The following SERPINB9 variants were observed in gnomAD, a reference collection of about 807,000 sequenced individuals.
SERPINB9 encodes serpin family B member 9.
Under a neutral mutation model 27.2 loss-of-function variants are expected in SERPINB9, and 20 were observed. That is an observed-to-expected ratio of 0.74 (90% CI 0.52 to 1.07). SERPINB9 has a LOEUF of 1.07. SERPINB9 is among the 50% of genes least tolerant of loss of function. SERPINB9 has a pLI of 0.00. For missense variants in SERPINB9, 476 were observed against 460.1 expected (o/e 1.03, Z -0.32); for synonymous variants, 189 against 180.0 (o/e 1.05, Z -0.40).
At chr6:2,900,333 G>A (rs1229922839) in intron 2 of SERPINB9, 111 bp downstream of exon 2, 3 of 1,354,030 alleles carry the variant, frequency 2.2e-6, no homozygotes, top group Middle Eastern at 2.7e-4. Context: ...GTGCACACTC[G>A]GGCCCCAGTC....
At position 2,896,196 on chromosome 6, in the gene SERPINB9, G is replaced by T. The variant is rs766380391; in HGVS notation, c.169-6C>A. 6.2e-7 allele frequency: 1 copy of T among 1,611,784 alleles called. No individual in the cohort carries two copies. Among genetic ancestry groups the T allele is most frequent in the Admixed American group, 1.7e-5 (1 of 59,300 alleles). On this transcript the variant is annotated splice_region_variant and splice_polypyrimidine_tract_variant and intron_variant, in intron 2 of 6. Coordinates refer to ENST00000380698, the MANE Select transcript of SERPINB9 (RefSeq NM_004155.6). ...TCTGTGTTTAAAGACAGTGCCTGTT[G>T]TGAAAGATAATTTTAAAAGTTATCA...
In SERPINB9 at chr6:2,896,168, TC is replaced by T; in HGVS notation, c.190del (p.Glu64LysfsTer14). ...CGACTGGAAAGCCCGATGAATGTCT[TC>T]CTCTGTGTTTAAAGACAGTGCCTGT... ...MAQALSLNTE[E>X]DIHRAFQSLL... On this transcript the variant is annotated frameshift_variant, in exon 3 of 7. Coordinates refer to ENST00000380698, the MANE Select transcript of SERPINB9 (RefSeq NM_004155.6). LOFTEE classifies it high-confidence loss of function. 6.2e-7 allele frequency: 1 copy of T among 1,613,978 alleles called. No individual in the cohort carries two copies. The highest frequency in any genetic ancestry group is 2.2e-5 in the East Asian group (1 of 44,882).
Position 2,895,911 on chromosome 6 carries a change from A to AC in SERPINB9, c.306+141dup, listed in dbSNP as rs1767979420. The AC allele has an allele frequency of 1.5e-5, 12 of 825,208 alleles. No homozygotes were observed. In the South Asian group the frequency reaches 1.8e-4, roughly 13 times the overall value. 51.1% of individuals were successfully genotyped at this position (825,208 alleles called of 1,614,324 possible). A position where few individuals can be genotyped will look rare whatever the true frequency, so the allele number is the denominator to read the frequency against. ...AGACCAGCCTGGGCAACGTAGTGAG[A>AC]CCCCATCTTAGAAAAAAAAATAGTG... is the stretch of plus-strand genomic sequence containing the variant. On this transcript the variant is annotated intron_variant, in intron 3 of 6. Coordinates refer to ENST00000380698, the MANE Select transcript of SERPINB9 (RefSeq NM_004155.6).
At chr6:2,902,490 T>C (rs2113620956) in intron 1 of SERPINB9, among the ~76,000 whole-genome samples, 1 of 152,228 alleles carries the variant, frequency 6.6e-6, no homozygotes, top group Admixed American at 6.5e-5. Flanking sequence ...CTTTATTTTT[T>C]TGTTGTTGTT....
intron 3 of SERPINB9, 143 bp downstream of exon 3, chr6:2,895,910 G>T: frequency 1.2e-6 from 1 of 819,354 alleles, no homozygotes; most frequent in Non-Finnish European, 1.8e-6. Context: ...AACGTAGTGA[G>T]ACCCCATCTT....
intron 2 of SERPINB9, 116 bp from the exon 3 acceptor site, chr6:2,896,306 A>C: frequency 2.4e-6 from 2 of 835,410 alleles, no homozygotes; most frequent in Non-Finnish European, 3.8e-6. Context: ...GCCTGAATGG[A>C]TCTCGCTTGT....
Position 2,895,518 on chromosome 6 carries a change from G to C in SERPINB9, c.307-10C>G, listed in dbSNP as rs1245784589. ...AGGATTCCTTAAACGTCTTTGGAGA[G>C]AAAAATGTTCAGTGAGGCTGCATTG... On this transcript the variant is annotated splice_polypyrimidine_tract_variant and intron_variant, in intron 3 of 6. Transcript: ENST00000380698. The C allele has an allele frequency of 6.3e-7, 1 of 1,583,794 alleles. No individual in the cohort carries two copies. The highest frequency in any genetic ancestry group is 8.7e-7 in the Non-Finnish European group (1 of 1,155,858).
At chr6:2,895,981 G>T in intron 3 of SERPINB9, 72 bp downstream of exon 3, 3 of 1,442,312 alleles carry the variant, frequency 2.1e-6, no homozygotes, top group South Asian at 2.8e-5. Context: ...ATTTCTCTAG[G>T]GTCTTTCTCC....
intron 2 of SERPINB9, 115 bp from the exon 3 acceptor site, chr6:2,896,305 G>T: frequency 1.2e-6 from 1 of 842,242 alleles, no homozygotes; most frequent in Non-Finnish European, 1.9e-6. Context: ...TGCCTGAATG[G>T]ATCTCGCTTG....
chr6:2,889,608 T>C lies in SERPINB9; in HGVS notation c.*555A>G, dbSNP rs1247605852. On this transcript the variant is annotated 3_prime_UTR_variant, in exon 7 of 7. Transcript: ENST00000380698. ...TACTCGGGAGGCTGAGGCAGGAGAA[T>C]GGCGTGAACCCGGGAGGCGGAGCTT... The C allele has an allele frequency of 1.4e-5, 2 of 145,064 alleles. No individual in the cohort carries two copies. Among genetic ancestry groups the C allele is most frequent in the African/African-American group, 2.6e-5 (1 of 38,528 alleles). The allele number at this position is 145,064 out of a possible 1,614,324, so 9.0% of individuals were successfully genotyped here. A position where few individuals can be genotyped will look rare whatever the true frequency, so the allele number is the denominator to read the frequency against.
chr6:2,899,957 A>C (rs746681846), intron 2 of SERPINB9: 21 of 456,172 alleles, frequency 4.6e-5, no homozygotes, highest in African/African-American at 3.8e-4. Flanking sequence ...CAGTACCTGC[A>C]CAGTGTGCAG....
intron 4 of SERPINB9, 116 bp from the exon 5 acceptor site, chr6:2,893,669 G>C: frequency 2.3e-6 from 2 of 868,414 alleles, no homozygotes; most frequent in South Asian, 3.7e-5. Context: ...GCTGAGTTTG[G>C]GTTGTTATGT....
chr6:2,902,831 G>C (rs1768248054), intron 1 of SERPINB9, among the ~76,000 whole-genome samples: 1 of 152,194 alleles, frequency 6.6e-6, no homozygotes, highest in African/African-American at 2.4e-5. Context: ...ACTGGTGACT[G>C]TAAAGGACAG....
chr6:2,896,605 A>C (rs1768008160), intron 2 of SERPINB9, among the ~76,000 whole-genome samples: 1 of 152,252 alleles, frequency 6.6e-6, no homozygotes, highest in Non-Finnish European at 1.5e-5. Flanking sequence ...ATTGTACCCT[A>C]TAGGGACTAC....
intron 1 of SERPINB9, among the ~76,000 whole-genome samples, chr6:2,902,666 G>A (rs1768244128): frequency 6.6e-6 from 1 of 151,950 alleles, no homozygotes; most frequent in Non-Finnish European, 1.5e-5. Context: ...TACAGGCGTG[G>A]GCCACCATGC....
At chr6:2,899,685 TC>T (rs1768127934) in intron 2 of SERPINB9, among the ~76,000 whole-genome samples, 1 of 152,162 alleles carries the variant, frequency 6.6e-6, no homozygotes, top group Non-Finnish European at 1.5e-5. Flanking sequence ...ACATAAACCC[TC>T]CCTTCTTCAC....
intron 4 of SERPINB9, among the ~76,000 whole-genome samples, 159 bp downstream of exon 4, chr6:2,895,232 G>C (rs1767952317): frequency 6.6e-6 from 1 of 152,188 alleles, no homozygotes; most frequent in Admixed American, 6.5e-5. Context: ...CGTGAAATTA[G>C]AGGGGGCGGA....
chr6:2,898,598 A>T (rs1263619492), intron 2 of SERPINB9, among the ~76,000 whole-genome samples: 2 of 152,256 alleles, frequency 1.3e-5, no homozygotes, highest in Non-Finnish European at 2.9e-5. Flanking sequence ...CGGGTGGATC[A>T]CGAGGTCAGG....
Position 2,891,830 on chromosome 6 carries a change from T to C in SERPINB9, c.723+3A>G, listed in dbSNP as rs1033114839. On this transcript the variant is annotated splice_donor_region_variant and intron_variant, in intron 6 of 6. Coordinates refer to ENST00000380698, the MANE Select transcript of SERPINB9 (RefSeq NM_004155.6). The surrounding 1 kb of genome is among the most constrained non-coding windows in gnomAD (Gnocchi z 4.0). ...TGGGTTCTTCCCGCAGCCCGGGTCTTACCGTGCTGAGCTCCACGCCGTCGT... is the reference window on the plus strand; with the variant it reads ...TGGGTTCTTCCCGCAGCCCGGGTCTCACCGTGCTGAGCTCCACGCCGTCGT... 3.8e-6 allele frequency: 6 copies of C among 1,594,070 alleles called. No individual in the cohort carries two copies. The highest frequency in any genetic ancestry group is 1.8e-5 in the Admixed American group (1 of 56,010).
Sources: gnomAD v4.1 joint callset for allele counts (sites outside exome capture counted in the v4.1 genomes callset) on GRCh38, gnomAD v4.1.1 for gene constraint, Gnocchi (gnomAD v3.1) non-coding constraint, MANE v1.5 for transcripts, NCBI Gene and HGNC (gene_info 2026-07-23, HGNC 2026-07-21) for gene names.